The following GABRA4 variants were observed in gnomAD, a reference collection of about 807,000 sequenced individuals.
GABRA4 encodes gamma-aminobutyric acid receptor subunit alpha-4.
In GABRA4, 12 loss-of-function variants were observed where a neutral mutation model predicts 49.7. The observed-to-expected ratio is 0.24, with a 90% confidence interval of 0.15 to 0.39. The LOEUF is 0.39. GABRA4 is among the 10% of genes least tolerant of loss of function. The pLI is 1.00. For missense variants in GABRA4, 506 were observed against 686.0 expected, an observed-to-expected ratio of 0.74 and a Z score of 2.93; for synonymous variants, 288 against 240.2, an observed-to-expected ratio of 1.20 and a Z score of -1.84.
At position 46,971,179 on chromosome 4, in the gene GABRA4, T is replaced by G; in HGVS notation, c.778A>C (p.Met260Leu). Residue 260 changes from methionine (M) to leucine (L), a missense_variant, in exon 7 of 9, where the codon ATG becomes CTG. Met to Leu is a conservative substitution (Grantham distance 15, BLOSUM62 2). Around this residue, in one of 5 missense-constraint regions of GABRA4, gnomAD observed 195 missense variants for 326.0 expected, o/e 0.60. Transcript: ENST00000264318. ...ATGCACGGAATATAGGTCTGAATCA[T>G]AAAATAACCCATCTTCCGTCTGAGG... is the stretch of plus-strand genomic sequence containing the variant. ...FHLRRKMGYF[M>L]IQTYIPCIMT... 2 of 1,609,612 alleles carry G rather than the reference T, an allele frequency of 1.2e-6. No homozygotes were observed. Among genetic ancestry groups the G allele is most frequent in the South Asian group, 1.1e-5 (1 of 90,928 alleles).
In GABRA4 at chr4:46,926,185, T is replaced by C. The variant is rs913412840; in HGVS notation, c.*2040A>G. The C allele has an allele frequency of 6.6e-6, 1 of 151,900 alleles. No individual in the cohort carries two copies. The highest frequency in any genetic ancestry group is 6.6e-5 in the Admixed American group (1 of 15,204). 9.4% of individuals were successfully genotyped at this position (151,900 alleles called of 1,614,324 possible). A position where few individuals can be genotyped will look rare whatever the true frequency, so the allele number is the denominator to read the frequency against. On this transcript the variant is annotated 3_prime_UTR_variant, in exon 9 of 9. Transcript: ENST00000264318. ...AACAAAGTACGCTCTGAATAACTAG[T>C]AGCGAATGAATTGTGCTTCCAACCA...
At chr4:46,948,284 T>C (rs906521295) in intron 8 of GABRA4, among the ~76,000 whole-genome samples, 1 of 152,070 alleles carries the variant, frequency 6.6e-6, no homozygotes, top group Non-Finnish European at 1.5e-5. Flanking sequence ...CAGATTTGTT[T>C]ATCCTTTGGA....
In GABRA4 at chr4:46,954,049, CTA is replaced by C. The variant is rs1722260078; in HGVS notation, c.1134+10919_1134+10920del. Among the ~76,000 whole-genome samples, 3 of 152,048 alleles carry C rather than the reference CTA, an allele frequency of 2.0e-5. 1 individual carries two copies. In the South Asian group the frequency reaches 6.2e-4, roughly 31 times the overall value. ...TCTGTAAAAAGTATTGCTGTGAAGG[CTA>C]TATGAATATACATGAAGTGCTTAAA... On this transcript the variant is annotated intron_variant, in intron 8 of 8. Transcript: ENST00000264318.
intron 8 of GABRA4, among the ~76,000 whole-genome samples, chr4:46,941,455 T>C (rs1296420926): frequency 1.3e-5 from 2 of 152,094 alleles, no homozygotes; most frequent in African/African-American, 4.8e-5. Flanking sequence ...GGTGTGGTAA[T>C]TTCCATAAAG....
intron 5 of GABRA4, among the ~76,000 whole-genome samples, chr4:46,975,405 T>G (rs1310206506): frequency 2.0e-5 from 3 of 152,006 alleles, no homozygotes; most frequent in African/African-American, 7.2e-5. Context: ...GTATACTATG[T>G]TCTTGTCTAT....
At chr4:46,949,127 T>C (rs1722078052) in intron 8 of GABRA4, among the ~76,000 whole-genome samples, 1 of 152,156 alleles carries the variant, frequency 6.6e-6, no homozygotes, top group Non-Finnish European at 1.5e-5. Flanking sequence ...AGAAACTTCA[T>C]AGTGCTATGA....
intron 8 of GABRA4, among the ~76,000 whole-genome samples, chr4:46,958,804 C>A (rs975439365): frequency 6.6e-6 from 1 of 151,876 alleles, no homozygotes; most frequent in Non-Finnish European, 1.5e-5. Flanking sequence ...AGGTTATCAA[C>A]AACAGTCCAT....
chr4:46,964,593 A>G (rs957904912), intron 8 of GABRA4, among the ~76,000 whole-genome samples: 3 of 151,800 alleles, frequency 2.0e-5, no homozygotes, highest in African/African-American at 7.2e-5. Flanking sequence ...GACACAAACA[A>G]AAACTAACTG....
chr4:46,993,066 G>A lies in GABRA4; in HGVS notation c.87-120C>T, dbSNP rs879178708. ...GTCGCTTGCCCCAAGCTAAAGGAGA[G>A]GAGGTTGGGGGTTGGGATGCAGAAG... is the stretch of plus-strand genomic sequence containing the variant. On this transcript the variant is annotated intron_variant, in intron 1 of 8. Transcript: ENST00000264318. 18 of 796,170 alleles carry A rather than the reference G, an allele frequency of 2.3e-5. No homozygotes were observed. The South Asian group carries it at 3.0e-4, about 13-fold the overall frequency. The allele number at this position is 796,170 out of a possible 1,614,324, so 49.3% of individuals were successfully genotyped here.
intron 8 of GABRA4, among the ~76,000 whole-genome samples, chr4:46,935,008 A>G (rs1435422913): frequency 6.6e-6 from 1 of 152,238 alleles, no homozygotes; most frequent in Non-Finnish European, 1.5e-5. Flanking sequence ...ATACTATGCT[A>G]GATGAATCTT....
chr4:46,988,947 TG>T (rs1325193279), intron 2 of GABRA4, among the ~76,000 whole-genome samples: 2 of 152,246 alleles, frequency 1.3e-5, no homozygotes, highest in Non-Finnish European at 1.5e-5. Context: ...AACAGAATGA[TG>T]ATGTCTGCCT....
intron 2 of GABRA4, among the ~76,000 whole-genome samples, chr4:46,980,504 G>T (rs1170009395): frequency 6.6e-6 from 1 of 151,960 alleles, no homozygotes. Flanking sequence ...AAGAAAGATA[G>T]CTCGAGGGAG....
Position 46,928,512 on chromosome 4 carries a change from G to A in GABRA4, c.1378C>T (p.Arg460Ter). 6.2e-7 allele frequency: 1 copy of A among 1,613,630 alleles called. No individual in the cohort carries two copies. The highest frequency in any genetic ancestry group is 8.5e-7 in the Non-Finnish European group (1 of 1,179,734). ...ALPSASPTSI[R>*]TGYMPRKASV... Reference sequence around the variant, plus strand: ...GCCTTTCGAGGCATATATCCAGTTCGGATAGAAGTAGGAGAAGCAGATGGA... The same window carrying A: ...GCCTTTCGAGGCATATATCCAGTTCAGATAGAAGTAGGAGAAGCAGATGGA... Residue 460 changes from arginine (R) to a stop codon, truncating the protein, a stop_gained, in exon 9 of 9, where the codon CGA becomes TGA. Transcript: ENST00000264318. LOFTEE classifies it high-confidence loss of function.
chr4:46,939,102 G>A (rs780911820), intron 8 of GABRA4, among the ~76,000 whole-genome samples: 25 of 151,938 alleles, frequency 1.6e-4, no homozygotes, highest in Non-Finnish European at 2.8e-4. Context: ...TGGGGTGAGG[G>A]AAGAAGATGC....
intron 8 of GABRA4, among the ~76,000 whole-genome samples, chr4:46,931,778 G>C (rs1360986334): frequency 6.6e-6 from 1 of 152,120 alleles, no homozygotes; most frequent in Non-Finnish European, 1.5e-5. Flanking sequence ...GCCTGGGCTA[G>C]CCTGCTAGAG....
In GABRA4 at chr4:46,965,144, G is replaced by A; in HGVS notation, c.960C>T (p.Asp320=). ...LPKVSYATAM[D]WFIAVCFAFV... is the part of the protein sequence containing the mutation. ...AAGCAAAGCAGACAGCTATGAACCA[G>A]TCCATGGCGGTAGCATAGGACACTT... Residue 320 remains aspartate (D), a synonymous_variant, in exon 8 of 9, where the codon GAC becomes GAT. Transcript: ENST00000264318. 8.1e-6 allele frequency: 13 copies of A among 1,611,818 alleles called. No homozygotes were observed. The highest frequency in any genetic ancestry group is 1.0e-5 in the Non-Finnish European group (12 of 1,178,678).
intron 8 of GABRA4, among the ~76,000 whole-genome samples, chr4:46,957,022 A>C (rs1722390488): frequency 6.6e-6 from 1 of 152,094 alleles, no homozygotes; most frequent in Admixed American, 6.6e-5. Flanking sequence ...AAATGAGTTC[A>C]TGCATACTTT....
intron 8 of GABRA4, among the ~76,000 whole-genome samples, chr4:46,953,262 A>T (rs1001805918): frequency 6.6e-6 from 1 of 152,040 alleles, no homozygotes; most frequent in African/African-American, 2.4e-5. Flanking sequence ...TTCTGCCAGC[A>T]TCCCTCACCC....
chr4:46,930,656 T>A (rs1447024459), intron 8 of GABRA4, among the ~76,000 whole-genome samples: 5 of 151,394 alleles, frequency 3.3e-5, no homozygotes, highest in Non-Finnish European at 5.9e-5. Context: ...AAATATAATA[T>A]GATAGTTGCA....
Sources: gnomAD v4.1 joint callset for allele counts (sites outside exome capture counted in the v4.1 genomes callset) on GRCh38, gnomAD v4.1.1 for gene constraint, gnomAD v4.1.1 regional missense constraint, MANE v1.5 for transcripts, NCBI Gene and HGNC (gene_info 2026-07-23, HGNC 2026-07-21) for gene names.